The following KCNJ3 variants were observed in gnomAD, a reference collection of about 807,000 sequenced individuals.
KCNJ3 encodes the protein G protein-activated inward rectifier potassium channel 1.
A neutral mutation model predicts 39.2 loss-of-function variants in KCNJ3; 4 were observed. That is an observed-to-expected ratio of 0.10 (90% CI 0.05 to 0.23). KCNJ3 has a LOEUF of 0.23. KCNJ3 is among the 10% of genes least tolerant of loss of function. The probability of loss-of-function intolerance (pLI) is 1.00; values close to 1 mark genes in which losing one functional copy is unlikely to be tolerated. For synonymous variants in KCNJ3, 230 were observed against 237.4 expected, an observed-to-expected ratio of 0.97 and a Z score of 0.29; for missense variants, 276 against 634.9, an observed-to-expected ratio of 0.43 and a Z score of 6.08.
intron 2 of KCNJ3, among the ~76,000 whole-genome samples, chr2:154,807,649 A>T (rs1365314571): frequency 6.6e-6 from 1 of 152,188 alleles, no homozygotes; most frequent in Non-Finnish European, 1.5e-5. Context: ...GGTGTTTTAC[A>T]TTGGAGCTAC....
chr2:154,790,080 A>T (rs1257511138), intron 2 of KCNJ3, among the ~76,000 whole-genome samples: 1 of 152,104 alleles, frequency 6.6e-6, no homozygotes, highest in Admixed American at 6.6e-5. Context: ...TGCCACTGAC[A>T]TTGGGGGGCA....
At chr2:154,780,093 C>T (rs1420331735) in intron 2 of KCNJ3, among the ~76,000 whole-genome samples, 1 of 151,988 alleles carries the variant, frequency 6.6e-6, no homozygotes, top group East Asian at 1.9e-4. Flanking sequence ...TTGGAAAGGT[C>T]AGGAAATAAT....
chr2:154,763,238 C>T (rs1686075328), intron 2 of KCNJ3, among the ~76,000 whole-genome samples: 1 of 151,958 alleles, frequency 6.6e-6, no homozygotes, highest in Admixed American at 6.6e-5. Context: ...CTGTGTCTAC[C>T]TAATAAGGCT....
At chr2:154,766,490 G>A (rs1198478965) in intron 2 of KCNJ3, among the ~76,000 whole-genome samples, 1 of 151,344 alleles carries the variant, frequency 6.6e-6, no homozygotes, top group African/African-American at 2.4e-5. Flanking sequence ...TACCCAAAGT[G>A]GATAAAAGAA....
intron 2 of KCNJ3, among the ~76,000 whole-genome samples, chr2:154,819,872 C>A: frequency 6.6e-6 from 1 of 150,852 alleles, no homozygotes; most frequent in Non-Finnish European, 1.5e-5. Flanking sequence ...TTAAGTTTAA[C>A]ATGTAATACT....
chr2:154,770,871 AT>A (rs1287012972), intron 2 of KCNJ3, among the ~76,000 whole-genome samples: 4 of 145,900 alleles, frequency 2.7e-5, no homozygotes, highest in African/African-American at 7.5e-5. Flanking sequence ...AAGTCTCAAG[AT>A]TTTTTTCTTT....
chr2:154,803,965 TA>T (rs1303076285), intron 2 of KCNJ3, among the ~76,000 whole-genome samples: 3 of 152,086 alleles, frequency 2.0e-5, no homozygotes, highest in Non-Finnish European at 4.4e-5. Context: ...ACAGTTGTGT[TA>T]GAGTATTTCA....
rs193148477 is a variant in KCNJ3 at position 154,805,247 on chromosome 2, A to C, written c.920-49480A>C. Among the ~76,000 whole-genome samples the C allele has an allele frequency of 3.5e-3, 533 of 152,240 alleles. 2 individuals are homozygous for C. Among genetic ancestry groups the C allele is most frequent in the Middle Eastern group, 6.8e-3 (2 of 294 alleles). On this transcript the variant is annotated intron_variant, in intron 2 of 2. Transcript: ENST00000295101. Reference sequence around the variant, plus strand: ...ACTAAAGGGAGGGCTAATTTGAGGCAAGATAATTTCTTCTTGTGCTGATGA... The same window carrying C: ...ACTAAAGGGAGGGCTAATTTGAGGCCAGATAATTTCTTCTTGTGCTGATGA...
chr2:154,751,693 G>A (rs559224786), intron 2 of KCNJ3, among the ~76,000 whole-genome samples: 5 of 152,076 alleles, frequency 3.3e-5, no homozygotes, highest in Non-Finnish European at 5.9e-5. Flanking sequence ...ATAAAGTACC[G>A]AACAAGGTGG....
At chr2:154,739,014 T>G (rs1685596892) in intron 2 of KCNJ3, among the ~76,000 whole-genome samples, 1 of 152,092 alleles carries the variant, frequency 6.6e-6, no homozygotes, top group Admixed American at 6.6e-5. Flanking sequence ...AATGCAATAC[T>G]TATTTTAAAA....
intron 2 of KCNJ3, among the ~76,000 whole-genome samples, chr2:154,835,919 A>T (rs1476090060): frequency 6.6e-6 from 1 of 152,160 alleles, no homozygotes; most frequent in Non-Finnish European, 1.5e-5. Context: ...ATTTTAACAG[A>T]ATGCTTATAG....
intron 2 of KCNJ3, among the ~76,000 whole-genome samples, chr2:154,820,203 C>T (rs1029186238): frequency 2.0e-5 from 3 of 152,230 alleles, no homozygotes; most frequent in South Asian, 2.1e-4. Flanking sequence ...AGGATCCAAC[C>T]CAGGATCCCT....
At chr2:154,784,278 C>A (rs1211087117) in intron 2 of KCNJ3, among the ~76,000 whole-genome samples, 1 of 152,130 alleles carries the variant, frequency 6.6e-6, no homozygotes, top group Non-Finnish European at 1.5e-5. Flanking sequence ...AAGATCTTTG[C>A]GTTTTGTAAA....
intron 2 of KCNJ3, among the ~76,000 whole-genome samples, chr2:154,736,974 G>A (rs1430355169): frequency 1.3e-5 from 2 of 152,140 alleles, no homozygotes; most frequent in African/African-American, 4.8e-5. Context: ...AGTGGCTAGA[G>A]TTTACAGGCA....
intron 2 of KCNJ3, among the ~76,000 whole-genome samples, chr2:154,831,368 T>TAAG (rs1483812672): frequency 1.3e-5 from 2 of 152,228 alleles, no homozygotes; most frequent in Non-Finnish European, 2.9e-5. Flanking sequence ...CTCCATTTCA[T>TAAG]AAGATTAAAT....
intron 1 of KCNJ3, among the ~76,000 whole-genome samples, chr2:154,704,228 C>T (rs1684958302): frequency 6.6e-6 from 1 of 151,760 alleles, no homozygotes; most frequent in Non-Finnish European, 1.5e-5. Context: ...AAAAAGTGAA[C>T]AGAAATTAGG....
At chr2:154,748,432 G>A (rs924487924) in intron 2 of KCNJ3, among the ~76,000 whole-genome samples, 4 of 151,914 alleles carry the variant, frequency 2.6e-5, no homozygotes, top group Admixed American at 1.3e-4. Context: ...AGAAAATTAT[G>A]TGTGGAGTTT....
intron 2 of KCNJ3, among the ~76,000 whole-genome samples, chr2:154,784,774 C>G (rs998475913): frequency 6.6e-6 from 1 of 152,082 alleles, no homozygotes; most frequent in Non-Finnish European, 1.5e-5. Flanking sequence ...CTATCTACAT[C>G]GTGTTTGTAA....
chr2:154,710,671 C>T (rs948916913), intron 2 of KCNJ3, among the ~76,000 whole-genome samples: 11 of 152,014 alleles, frequency 7.2e-5, no homozygotes, highest in Non-Finnish European at 1.3e-4. Context: ...ATGCTTTCTA[C>T]AAGTACTGAG....
Sources: gnomAD v4.1 joint callset for allele counts (sites outside exome capture counted in the v4.1 genomes callset) on GRCh38, gnomAD v4.1.1 for gene constraint, MANE v1.5 for transcripts, NCBI Gene and HGNC (gene_info 2026-07-23, HGNC 2026-07-21) for gene names.